Variants in SMO observed in about 807,000 individuals in gnomAD.
The protein encoded by SMO is protein smoothened.
SMO carries 40 observed loss-of-function variants against 81.6 expected under a neutral mutation model. The ratio of observed to expected loss-of-function variants is 0.49; its 90% CI spans 0.38 to 0.64. The LOEUF is 0.64. SMO is among the 30% of genes least tolerant of loss of function. The pLI, the probability that SMO is intolerant of heterozygous loss-of-function variation, is 0.00. For missense variants in SMO, 916 were observed against 1,061.1 expected, an observed-to-expected ratio of 0.86 and a Z score of 1.90; for synonymous variants, 434 against 432.1, an observed-to-expected ratio of 1.00 and a Z score of -0.05.
intron 1 of SMO, among the ~76,000 whole-genome samples, chr7:129,201,967 C>T (rs1263563038): frequency 1.3e-5 from 2 of 152,112 alleles, no homozygotes; most frequent in Non-Finnish European, 2.9e-5. Context: ...AGGTGTGAGC[C>T]ACTGCGCCTG....
chr7:129,193,477 G>A (rs907646863), intron 1 of SMO, among the ~76,000 whole-genome samples: 1 of 151,890 alleles, frequency 6.6e-6, no homozygotes, highest in Non-Finnish European at 1.5e-5. Flanking sequence ...AGATATATAT[G>A]GCCGGGCGCG....
At chr7:129,201,463 T>C (rs1793668455) in intron 1 of SMO, among the ~76,000 whole-genome samples, 1 of 152,200 alleles carries the variant, frequency 6.6e-6, no homozygotes, top group African/African-American at 2.4e-5. Context: ...GACTTTTTCT[T>C]GTACAGTTCT....
rs752969507 is a variant in SMO, at chr7:129,205,276, A to G, written c.611A>G (p.Lys204Arg). Residue 204 changes from lysine to arginine, a missense_variant, in exon 3 of 12, where the codon AAG becomes AGG. This residue lies in a region of SMO where 436 missense variants were observed against 570.9 expected (regional missense o/e 0.76). Coordinates refer to ENST00000249373, the MANE Select transcript of SMO (RefSeq NM_005631.5). ...EVPLVRTDNP[K>R]SWYEDVEGCG... ...CCCTTGGTTCGGACAGACAACCCCA[A>G]GAGCTGGTACGAGGACGTGGAGGGC... 6.2e-7 allele frequency: 1 copy of G among 1,614,142 alleles called. No homozygotes were observed. The highest frequency in any genetic ancestry group is 1.1e-5 in the South Asian group (1 of 91,086).
rs776255351 is a variant in SMO, at chr7:129,211,001, C to T, written c.1689C>T (p.Ile563=). Residue 563 remains isoleucine, a synonymous_variant, in exon 10 of 12, where the codon ATC becomes ATT. Transcript: ENST00000249373. The surrounding 1 kb of genome is among the most constrained non-coding windows in gnomAD (Gnocchi z 4.6). ...TGQSDDEPKR[I]KKSKMIAKAF... ...AGAGTGACGATGAGCCAAAGCGGAT[C>T]AAGAAGAGCAAGATGATTGCCAAGG... The T allele has an allele frequency of 6.2e-7, 1 of 1,613,650 alleles. No individual in the cohort carries two copies.
In SMO at chr7:129,206,329, T is replaced by G; in HGVS notation, c.1100T>G (p.Leu367Arg). ...TSYFHLLTWS[L>R]PFVLTVAILA... ...TACTTCCACCTGCTCACCTGGTCAC[T>G]CCCCTTTGTCCTCACTGTGGCAATC... Residue 367 changes from leucine (L) to arginine (R), a missense_variant, in exon 5 of 12, where the codon CTC becomes CGC. Leu to Arg is a moderately radical substitution (Grantham distance 102). Transcript: ENST00000249373. The surrounding 1 kb of genome is among the most constrained non-coding windows in gnomAD (Gnocchi z 4.4). 1 of 1,614,152 alleles carries G rather than the reference T, an allele frequency of 6.2e-7. No homozygotes were observed. Among genetic ancestry groups the G allele is most frequent in the Non-Finnish European group, 8.5e-7 (1 of 1,180,030 alleles).
chr7:129,199,717 A>G (rs1474221264), intron 1 of SMO, among the ~76,000 whole-genome samples: 1 of 152,172 alleles, frequency 6.6e-6, no homozygotes, highest in East Asian at 1.9e-4. Flanking sequence ...AGCCTGGGCA[A>G]CAGTGTGAGA....
At chr7:129,205,140 C>G (rs1793741793) in intron 2 of SMO, 63 bp from the exon 3 acceptor site, 1 of 1,433,536 alleles carries the variant, frequency 7.0e-7, no homozygotes, top group Non-Finnish European at 9.8e-7. Flanking sequence ...AGATACCTTT[C>G]CCTAAACAAG....
intron 1 of SMO, among the ~76,000 whole-genome samples, chr7:129,201,358 A>G (rs1283597042): frequency 1.3e-5 from 2 of 152,076 alleles, no homozygotes; most frequent in Non-Finnish European, 2.9e-5. Flanking sequence ...CAACCTTTTT[A>G]TTAACTGCCT....
intron 6 of SMO, among the ~76,000 whole-genome samples, chr7:129,207,047 G>A (rs1211840372): frequency 6.6e-6 from 1 of 152,142 alleles, no homozygotes; most frequent in Non-Finnish European, 1.5e-5. Context: ...GTTTCACCAT[G>A]TTAGCCAGGC....
rs371521173 is a variant in SMO at position 129,211,109 on chromosome 7, C to A, written c.1797C>A (p.Pro599=). 22 of 1,604,416 alleles carry A rather than the reference C, an allele frequency of 1.4e-5. No homozygotes were observed. The highest frequency in any genetic ancestry group is 5.1e-6 in the Non-Finnish European group (6 of 1,174,836). Residue 599 remains proline (P), a synonymous_variant, in exon 10 of 12, where the codon CCC becomes CCA. Coordinates refer to ENST00000249373, the MANE Select transcript of SMO (RefSeq NM_005631.5). The surrounding 1 kb of genome is among the most constrained non-coding windows in gnomAD (Gnocchi z 4.6). ...FSMHTVSHDG[P]VAGLAFDLNE... ...TGCACACTGTGTCCCACGACGGGCCCGTGGGTGAGCCTCACCCCTCCTCTA... is the reference window on the plus strand; with the variant it reads ...TGCACACTGTGTCCCACGACGGGCCAGTGGGTGAGCCTCACCCCTCCTCTA...
At position 129,212,375 on chromosome 7, in the gene SMO, G is replaced by C. The variant is rs1167098287; in HGVS notation, c.2288G>C (p.Arg763Pro). The change falls in exon 12 of 12, where the codon CGA becomes CCA. Residue 763 changes from arginine (R) to proline (P), a missense_variant. Transcript: ENST00000249373. The surrounding 1 kb of genome is among the most constrained non-coding windows in gnomAD (Gnocchi z 5.0). Reference sequence around the variant, plus strand: ...CCCGTGGCATGGGCTCATGGCCGCCGACAGGGCCTGGGGCCTATTCACTCC... The same window carrying C: ...CCCGTGGCATGGGCTCATGGCCGCCCACAGGGCCTGGGGCCTATTCACTCC... ...PAPVAWAHGRRQGLGPIHSRT... is the reference protein window; with the variant it reads ...PAPVAWAHGRPQGLGPIHSRT... The C allele has an allele frequency of 3.1e-6, 5 of 1,613,948 alleles. No individual in the cohort carries two copies. The highest frequency in any genetic ancestry group is 4.2e-6 in the Non-Finnish European group (5 of 1,180,048).
In SMO at chr7:129,189,506, G is replaced by A. The variant is rs757056583; in HGVS notation, c.331+24G>A. Reference sequence around the variant, plus strand: ...GGGTAAGTGCGGCGGAGCCGGGTCTGGGGGGCGGGAGGTGCCGCGGTAAGA... The same window carrying A: ...GGGTAAGTGCGGCGGAGCCGGGTCTAGGGGGCGGGAGGTGCCGCGGTAAGA... On this transcript the variant is annotated intron_variant, in intron 1 of 11. Coordinates refer to ENST00000249373, the MANE Select transcript of SMO (RefSeq NM_005631.5). The surrounding 1 kb of genome is among the most constrained non-coding windows in gnomAD (Gnocchi z 4.7). The A allele has an allele frequency of 6.5e-7, 1 of 1,534,276 alleles. No individual in the cohort carries two copies. Among genetic ancestry groups the A allele is most frequent in the Non-Finnish European group, 8.7e-7 (1 of 1,146,232 alleles).
At position 129,189,511 on chromosome 7, in the gene SMO, G is replaced by T; in HGVS notation, c.331+29G>T. ...AGTGCGGCGGAGCCGGGTCTGGGGGGCGGGAGGTGCCGCGGTAAGATGGGG... is the reference window on the plus strand; with the variant it reads ...AGTGCGGCGGAGCCGGGTCTGGGGGTCGGGAGGTGCCGCGGTAAGATGGGG... On this transcript the variant is annotated intron_variant, in intron 1 of 11. Coordinates refer to ENST00000249373, the MANE Select transcript of SMO (RefSeq NM_005631.5). This position sits in a 1 kb window ranked among gnomAD's most constrained non-coding sequence, Gnocchi z 4.7. The T allele has an allele frequency of 6.5e-7, 1 of 1,533,838 alleles. No homozygotes were observed. Among genetic ancestry groups the T allele is most frequent in the South Asian group, 1.2e-5 (1 of 83,944 alleles).
In SMO at chr7:129,203,375, C is replaced by T. The variant is rs2150646424; in HGVS notation, c.332-9C>T. 2 of 1,547,846 alleles carry T rather than the reference C, an allele frequency of 1.3e-6. No homozygotes were observed. Among genetic ancestry groups the T allele is most frequent in the Non-Finnish European group, 1.7e-6 (2 of 1,144,900 alleles). On this transcript the variant is annotated splice_polypyrimidine_tract_variant and intron_variant, in intron 1 of 11. Transcript: ENST00000249373. ...GGGGCCTTCACTGCAATGCTGTTGC[C>T]ACCCCCAGGCCTCCGGAATGCCCCC... is the stretch of plus-strand genomic sequence containing the variant.
Position 129,189,773 on chromosome 7 carries a change from A to C in SMO, c.331+291A>C, listed in dbSNP as rs1793456669. Among the ~76,000 whole-genome samples the C allele has an allele frequency of 6.6e-6, 1 of 152,164 alleles. No homozygotes were observed. Among genetic ancestry groups the C allele is most frequent in the Non-Finnish European group, 1.5e-5 (1 of 68,026 alleles). ...GCCCGTGAGGAGGTGGCTCTAAGCC[A>C]CGGGAAAAGACATTTTGTAAGAAGA... On this transcript the variant is annotated intron_variant, in intron 1 of 11. Transcript: ENST00000249373. The surrounding 1 kb of genome is among the most constrained non-coding windows in gnomAD (Gnocchi z 4.7).
At chr7:129,205,527 A>T (rs1793749891) in intron 3 of SMO, 83 bp from the exon 4 acceptor site, 1 of 1,525,332 alleles carries the variant, frequency 6.6e-7, no homozygotes, top group Non-Finnish European at 9.1e-7. Flanking sequence ...GGTCATGATC[A>T]GAAGGGTCTG....
In SMO at chr7:129,213,131, A is replaced by G. The variant is rs1793907858; in HGVS notation, c.*680A>G. 8 of 234,642 alleles carry G rather than the reference A, an allele frequency of 3.4e-5. No individual in the cohort carries two copies. The East Asian group carries it at 4.8e-4, about 14-fold the overall frequency. 14.5% of individuals were successfully genotyped at this position (234,642 alleles called of 1,614,324 possible). ...ACCTCTTTGCGTTTCCTTTTTGTTG[A>G]TGAGGACCCAGAGCTGCTGCACACA... On this transcript the variant is annotated 3_prime_UTR_variant, in exon 12 of 12. Transcript: ENST00000249373.
rs111694017 is a variant in SMO, at chr7:129,205,670, G to C, written c.808G>C (p.Val270Leu). The change falls in exon 4 of 12, where the codon GTC becomes CTC. Residue 270 changes from valine to leucine, a missense_variant. This residue lies in a region of SMO where 436 missense variants were observed against 570.9 expected (regional missense o/e 0.76). Coordinates refer to ENST00000249373, the MANE Select transcript of SMO (RefSeq NM_005631.5). ...CTACCCTGCTGTTATTCTCTTCTACGTCAATGCGTGCTTCTTTGTGGGCAG... is the reference window on the plus strand; with the variant it reads ...CTACCCTGCTGTTATTCTCTTCTACCTCAATGCGTGCTTCTTTGTGGGCAG... Reference protein sequence around the residue: ...NRYPAVILFYVNACFFVGSIG... With the variant: ...NRYPAVILFYLNACFFVGSIG... 6.2e-7 allele frequency: 1 copy of C among 1,613,940 alleles called. No individual in the cohort carries two copies. The highest frequency in any genetic ancestry group is 8.5e-7 in the Non-Finnish European group (1 of 1,179,994).
rs186699814 is a variant in SMO, at chr7:129,199,417, G to A, written c.332-3967G>A. 7.6e-3 allele frequency among the ~76,000 whole-genome samples: 1,154 copies of A among 151,720 alleles called. 11 individuals carry two copies. The highest frequency in any genetic ancestry group is 0.017 in the Middle Eastern group (5 of 294). ...GGCTTGTGTAGAACTCCTGACCTCA[G>A]GTGGTCCACCTGCCTCGGCCTCCCA... is the stretch of plus-strand genomic sequence containing the variant. On this transcript the variant is annotated intron_variant, in intron 1 of 11. Coordinates refer to ENST00000249373, the MANE Select transcript of SMO (RefSeq NM_005631.5).
Sources: gnomAD v4.1 joint callset for allele counts (sites outside exome capture counted in the v4.1 genomes callset) on GRCh38, gnomAD v4.1.1 for gene constraint, gnomAD v4.1.1 regional missense constraint, Gnocchi (gnomAD v3.1) non-coding constraint, MANE v1.5 for transcripts, NCBI Gene and HGNC (gene_info 2026-07-23, HGNC 2026-07-21) for gene names.